Variants in FAAP20 observed in about 807,000 individuals in gnomAD.
The protein encoded by FAAP20 is FA core complex associated protein 20, also known as Fanconi anemia core complex-associated protein 20.
FAAP20 carries 12 observed loss-of-function variants against 16.2 expected under a neutral mutation model. That is an observed-to-expected ratio of 0.74 (90% confidence interval 0.48 to 1.20). The LOEUF (loss-of-function observed/expected upper bound fraction) is 1.20, where lower values mean the gene tolerates loss of function less well. Ranked by LOEUF, FAAP20 falls within the 50% of genes most tolerant of loss-of-function variation. FAAP20 has a pLI of 0.00. For missense variants in FAAP20, 288 were observed against 245.8 expected (o/e 1.17, Z -1.15); for synonymous variants, 141 against 110.7 (o/e 1.27, Z -1.72).
chr1:2,190,752 G>A, intron 3 of FAAP20: 1 of 299,290 alleles, frequency 3.3e-6, no homozygotes, highest in Non-Finnish European at 6.8e-6. Context: ...CGCCACTGCT[G>A]GGGGACACAC....
At chr1:2,198,655 G>C, upstream of FAAP20, 4 of 1,208,230 alleles carry the variant, frequency 3.3e-6, no homozygotes, top group Middle Eastern at 1.1e-3. Flanking sequence ...GTGGCCGACA[G>C]GCACCCTGGG....
intron 3 of FAAP20, chr1:2,192,509 T>C (rs1326721898): frequency 5.0e-6 from 5 of 998,330 alleles, no homozygotes; most frequent in Admixed American, 1.1e-4. Flanking sequence ...AAGCAGGCGA[T>C]GCAAAGACAA....
upstream of FAAP20, among the ~76,000 whole-genome samples, chr1:2,196,655 C>A (rs1688838958): frequency 6.6e-6 from 1 of 151,964 alleles, no homozygotes; most frequent in African/African-American, 2.4e-5. The surrounding 1 kb of genome is among the most constrained non-coding windows in gnomAD (Gnocchi z 4.5). Context: ...GCCTGGCCAA[C>A]ATGCAGAAAC....
chr1:2,203,713 C>T (rs548723194), upstream of FAAP20: 54 of 927,914 alleles, frequency 5.8e-5, no homozygotes, highest in African/African-American at 6.4e-4. Flanking sequence ...GTTCCTTGAG[C>T]GGTCCTGGAG....
upstream of FAAP20, chr1:2,201,225 CCT>C (rs1689035881): frequency 1.7e-5 from 20 of 1,204,032 alleles, no homozygotes; most frequent in Non-Finnish European, 2.0e-5. Context: ...CCTCGCTGCC[CCT>C]GTGTTGGAAA....
At chr1:2,203,222 G>A (rs75420569), upstream of FAAP20, among the ~76,000 whole-genome samples, 1,710 of 152,336 alleles carry the variant, frequency 0.011, 37 homozygotes, top group African/African-American at 0.039. Context: ...CCCTTCGCCT[G>A]CAGCCCAGGT....
upstream of FAAP20, chr1:2,199,538 G>A (rs1290131162): frequency 3.0e-6 from 3 of 985,870 alleles, no homozygotes; most frequent in African/African-American, 1.7e-5. This position sits in a 1 kb window ranked among gnomAD's most constrained non-coding sequence, Gnocchi z 4.5. Flanking sequence ...AGAGTGCGCG[G>A]CACCAAGGAG....
intron 3 of FAAP20, chr1:2,191,828 C>T: frequency 1.0e-6 from 1 of 985,424 alleles, no homozygotes; most frequent in Non-Finnish European, 1.2e-6. Flanking sequence ...ACATCCTCAC[C>T]CCTCACCAGG....
chr1:2,202,420 C>T (rs1027081303), upstream of FAAP20, among the ~76,000 whole-genome samples: 20 of 152,150 alleles, frequency 1.3e-4, no homozygotes, highest in African/African-American at 4.6e-4. Context: ...TTCACTGCAA[C>T]CTCCACCTCC....
At chr1:2,184,523 C>T (rs1038742032), downstream of FAAP20, 3 of 1,297,234 alleles carry the variant, frequency 2.3e-6, no homozygotes, top group Non-Finnish European at 3.3e-6. Flanking sequence ...GTGCAAAACA[C>T]TCAATCTGGT....
upstream of FAAP20, chr1:2,199,104 G>A (rs781533772): frequency 1.2e-4 from 137 of 1,188,902 alleles, no homozygotes; most frequent in Non-Finnish European, 1.2e-4. The surrounding 1 kb of genome is among the most constrained non-coding windows in gnomAD (Gnocchi z 4.5). Context: ...CAGAAAGCCA[G>A]GAGCAGCTGG....
At chr1:2,192,920 T>C (rs894625424) in intron 3 of FAAP20, 1 of 1,304,042 alleles carries the variant, frequency 7.7e-7, no homozygotes, top group Admixed American at 2.3e-5. Context: ...TTGTTGTTGT[T>C]GTTGGCTGCC....
At chr1:2,210,017 G>T (rs1689393530), downstream of FAAP20, among the ~76,000 whole-genome samples, 1 of 152,194 alleles carries the variant, frequency 6.6e-6, no homozygotes, top group African/African-American at 2.4e-5. Flanking sequence ...CCTCACCCTG[G>T]AATGCAGCCT....
chr1:2,198,984 C>T (rs1486941810), upstream of FAAP20: 5 of 1,285,770 alleles, frequency 3.9e-6, no homozygotes, highest in African/African-American at 6.1e-5. Context: ...CTCGGGCCCA[C>T]ACATGGGGTG....
At chr1:2,186,295 G>A (rs563172385), downstream of FAAP20, 217 of 246,136 alleles carry the variant, frequency 8.8e-4, 1 homozygote, top group Non-Finnish European at 1.6e-3. Context: ...GGTCTGTGCC[G>A]CGCCTTGCCT....
intron 3 of FAAP20, chr1:2,191,608 G>C (rs759057999): frequency 6.5e-6 from 1 of 154,692 alleles, no homozygotes; most frequent in Non-Finnish European, 1.4e-5. Context: ...AGCCAGGTGT[G>C]GTGACGCCTG....
chr1:2,193,805 G>C lies in FAAP20; in HGVS notation c.304C>G (p.Arg102Gly), dbSNP rs770276426. Residue 102 changes from arginine to glycine, a missense_variant, in exon 3 of 4, where the codon CGG becomes GGG. Coordinates refer to ENST00000378546, the MANE Select transcript of FAAP20 (RefSeq NM_182533.4). ...TGCCCTCCTGCCCCGTGAAGCAGCC[G>C]GTAGGAACGGCCCGGGCCCCACAGG... ...PDLWGPGRSY[R>G]LLHGAGGHLE... is the part of the protein sequence containing the mutation. 1.2e-6 allele frequency: 2 copies of C among 1,605,002 alleles called. No individual in the cohort carries two copies. The highest frequency in any genetic ancestry group is 1.7e-6 in the Non-Finnish European group (2 of 1,177,790).
At chr1:2,187,742 G>A (rs1687749619), downstream of FAAP20, among the ~76,000 whole-genome samples, 1 of 152,194 alleles carries the variant, frequency 6.6e-6, no homozygotes, top group Non-Finnish European at 1.5e-5. Flanking sequence ...AGGACACGCT[G>A]CTCACAGCTG....
At chr1:2,198,246 G>A, upstream of FAAP20, 2 of 1,136,368 alleles carry the variant, frequency 1.8e-6, no homozygotes, top group Non-Finnish European at 2.3e-6. Flanking sequence ...TCAGCTGTGG[G>A]AGTTTGCATC....
Sources: gnomAD v4.1 joint callset for allele counts (sites outside exome capture counted in the v4.1 genomes callset) on GRCh38, gnomAD v4.1.1 for gene constraint, Gnocchi (gnomAD v3.1) non-coding constraint, MANE v1.5 for transcripts, NCBI Gene and HGNC (gene_info 2026-07-23, HGNC 2026-07-21) for gene names.